Variants in AHI1 observed in about 807,000 individuals in gnomAD.
The protein encoded by AHI1 is jouberin.
Under a neutral mutation model 149.3 loss-of-function variants are expected in AHI1, and 123 were observed. That is an observed-to-expected ratio of 0.82 (90% CI 0.71 to 0.96). The LOEUF is 0.96. Among genes scored for constraint, AHI1 ranks in the 40% least tolerant of loss-of-function variants. The pLI, the probability that AHI1 is intolerant of heterozygous loss-of-function variation, is 0.00. For synonymous variants in AHI1, 475 were observed against 459.8 expected (o/e 1.03, Z -0.42); for missense variants, 1,439 against 1,422.7 (o/e 1.01, Z -0.18).
intron 11 of AHI1, among the ~76,000 whole-genome samples, chr6:135,449,586 G>A (rs945433260): frequency 2.6e-5 from 4 of 152,170 alleles, no homozygotes; most frequent in Admixed American, 2.6e-4. Context: ...ACTGTTACTT[G>A]TAGACTCATG....
chr6:135,358,069 T>C (rs963464460), intron 24 of AHI1, 63 bp downstream of exon 24: 17 of 1,465,180 alleles, frequency 1.2e-5, no homozygotes, highest in Middle Eastern at 3.5e-4. Context: ...GCACTGTAAC[T>C]ATAACCAGTA....
intron 24 of AHI1, among the ~76,000 whole-genome samples, chr6:135,338,669 C>T (rs1407736604): frequency 1.3e-5 from 2 of 152,276 alleles, no homozygotes; most frequent in South Asian, 4.1e-4. Flanking sequence ...TTAAGAATAA[C>T]AGCCAAATAA....
chr6:135,386,756 G>A (rs548542183), intron 23 of AHI1, among the ~76,000 whole-genome samples: 34 of 151,776 alleles, frequency 2.2e-4, no homozygotes, highest in Non-Finnish European at 4.1e-4. Flanking sequence ...TAAGCCTCCC[G>A]AGTAGCTGGG....
In AHI1 at chr6:135,497,269, C is replaced by G. The variant is rs1477258794; in HGVS notation, c.-201-20G>C. 1 of 152,234 alleles carries G rather than the reference C, an allele frequency of 6.6e-6. No homozygotes were observed. Among genetic ancestry groups the G allele is most frequent in the East Asian group, 1.9e-4 (1 of 5,196 alleles). The allele number at this position is 152,234 out of a possible 1,614,324, so 9.4% of individuals were successfully genotyped here. ...GACACTCTAAAAGGAAATAAACACA[C>G]TCAGTACACATCTGATTTAAAAGCA... is the stretch of plus-strand genomic sequence containing the variant. On this transcript the variant is annotated intron_variant, in intron 1 of 28. Transcript: ENST00000265602.
intron 20 of AHI1, among the ~76,000 whole-genome samples, chr6:135,423,082 C>T (rs1783442459): frequency 1.3e-5 from 2 of 151,952 alleles, no homozygotes; most frequent in South Asian, 2.1e-4. Context: ...TCTGTGCCTC[C>T]GTTTCATCAT....
chr6:135,459,030 A>G (rs1562223083), intron 8 of AHI1, among the ~76,000 whole-genome samples: 1 of 152,222 alleles, frequency 6.6e-6, no homozygotes, highest in African/African-American at 2.4e-5. Flanking sequence ...ACTGAGCACA[A>G]TTAAACTTGA....
chr6:135,460,564 AG>A (rs1192354343), intron 8 of AHI1, among the ~76,000 whole-genome samples: 1 of 152,196 alleles, frequency 6.6e-6, no homozygotes, highest in Non-Finnish European at 1.5e-5. Context: ...GAGGGTAAAA[AG>A]GAAGAGGGAG....
At chr6:135,298,857 C>A (rs780994974) in intron 27 of AHI1, among the ~76,000 whole-genome samples, 20 of 151,974 alleles carry the variant, frequency 1.3e-4, no homozygotes, top group Non-Finnish European at 2.6e-4. Context: ...GAAATGTAGA[C>A]CGAGTGAGGA....
chr6:135,444,154 ACTTT>A (rs1428585733), intron 13 of AHI1, among the ~76,000 whole-genome samples: 7 of 152,094 alleles, frequency 4.6e-5, no homozygotes, highest in Non-Finnish European at 8.8e-5. Flanking sequence ...GCTGGTTCCT[ACTTT>A]CTGTCTCTCG....
chr6:135,346,194 A>T lies in AHI1; in HGVS notation c.3165+11938T>A, dbSNP rs900124476. 3.3e-5 allele frequency among the ~76,000 whole-genome samples: 5 copies of T among 151,882 alleles called. No individual in the cohort carries two copies. The South Asian group carries it at 8.3e-4, about 25-fold the overall frequency. On this transcript the variant is annotated intron_variant, in intron 24 of 28. Transcript: ENST00000265602. ...CTGAGCTGTGCTTATTTTTATTTTT[A>T]TTTATTTATTTATTTTTTGAGACGG...
chr6:135,446,558 T>A (rs1787254394), intron 13 of AHI1, among the ~76,000 whole-genome samples: 1 of 152,228 alleles, frequency 6.6e-6, no homozygotes, highest in Admixed American at 6.5e-5. Context: ...TGAATCAGAT[T>A]CGTGCCCTTA....
chr6:135,463,380 T>C, intron 7 of AHI1, 74 bp from the exon 8 acceptor site: 1 of 1,259,586 alleles, frequency 7.9e-7, no homozygotes, highest in Non-Finnish European at 1.1e-6. Flanking sequence ...TGCAACAGAG[T>C]GAACAGTAAA....
At chr6:135,440,453 A>T (rs1786101730) in intron 14 of AHI1, among the ~76,000 whole-genome samples, 1 of 152,170 alleles carries the variant, frequency 6.6e-6, no homozygotes, top group Admixed American at 6.5e-5. Context: ...TAAACTCCAA[A>T]ATATTCCTGG....
chr6:135,343,918 T>C (rs1790759502), intron 24 of AHI1, among the ~76,000 whole-genome samples: 1 of 151,926 alleles, frequency 6.6e-6, no homozygotes, highest in African/African-American at 2.4e-5. Context: ...CTAAAAAATT[T>C]TGTGTGTCAA....
At chr6:135,411,021 C>G (rs78957955) in intron 21 of AHI1, among the ~76,000 whole-genome samples, 1 of 152,076 alleles carries the variant, frequency 6.6e-6, no homozygotes, top group African/African-American at 2.4e-5. Context: ...AAAGTCACAG[C>G]TTCTCTTTCT....
At chr6:135,453,261 GA>G (rs1447632212) in intron 11 of AHI1, 79 bp downstream of exon 11, 47 of 1,099,794 alleles carry the variant, frequency 4.3e-5, no homozygotes, top group Non-Finnish European at 6.2e-5. Flanking sequence ...CCTTATATGA[GA>G]CCAAACTGAT....
At chr6:135,346,190 TTTTA>T (rs1554285974) in intron 24 of AHI1, among the ~76,000 whole-genome samples, 1 of 151,728 alleles carries the variant, frequency 6.6e-6, no homozygotes, top group African/African-American at 2.4e-5. Flanking sequence ...TTATTTTTAT[TTTTA>T]TTTATTTATT....
At chr6:135,451,188 G>A (rs1396229579) in intron 11 of AHI1, among the ~76,000 whole-genome samples, 3 of 151,930 alleles carry the variant, frequency 2.0e-5, no homozygotes, top group Non-Finnish European at 4.4e-5. Flanking sequence ...GTAGAGACAG[G>A]GTTTCACCAT....
At chr6:135,439,606 A>G (rs1404838008) in intron 14 of AHI1, among the ~76,000 whole-genome samples, 2 of 152,250 alleles carry the variant, frequency 1.3e-5, no homozygotes, top group Non-Finnish European at 2.9e-5. Context: ...TAGGATCTAC[A>G]GTAAAAATCT....
Sources: gnomAD v4.1 joint callset for allele counts (sites outside exome capture counted in the v4.1 genomes callset) on GRCh38, gnomAD v4.1.1 for gene constraint, MANE v1.5 for transcripts, NCBI Gene and HGNC (gene_info 2026-07-23, HGNC 2026-07-21) for gene names.